The following DISP1 variants were observed in gnomAD, a reference collection of about 807,000 sequenced individuals.
DISP1 encodes dispatched RND transporter family member 1.
DISP1 carries 30 observed loss-of-function variants against 37.3 expected under a neutral mutation model. The ratio of observed to expected loss-of-function variants is 0.80; its 90% CI spans 0.60 to 1.09. DISP1 has a LOEUF of 1.09. Among genes scored for constraint, DISP1 ranks in the 50% least tolerant of loss-of-function variants. The probability of loss-of-function intolerance (pLI) is 0.00; values close to 1 mark genes in which losing one functional copy is unlikely to be tolerated. For missense variants in DISP1, 1,598 were observed against 1,879.5 expected, an observed-to-expected ratio of 0.85 and a Z score of 2.77; for synonymous variants, 634 against 690.2, an observed-to-expected ratio of 0.92 and a Z score of 1.28.
At chr1:222,862,852 AT>A (rs1489279759) in intron 1 of DISP1, among the ~76,000 whole-genome samples, 2 of 151,408 alleles carry the variant, frequency 1.3e-5, no homozygotes, top group Non-Finnish European at 2.9e-5. Flanking sequence ...TTTTGCAGCT[AT>A]TTTTTTTCTG....
chr1:222,870,179 C>A (rs1456364104), intron 1 of DISP1, among the ~76,000 whole-genome samples: 1 of 152,124 alleles, frequency 6.6e-6, no homozygotes, highest in Non-Finnish European at 1.5e-5. Flanking sequence ...TTTCTTAATC[C>A]AGTCTATCAT....
At chr1:222,837,034 C>T (rs1453867168) in intron 1 of DISP1, 1 of 398,364 alleles carries the variant, frequency 2.5e-6, no homozygotes. Context: ...TTAAGCTAGC[C>T]CATGACTACA....
chr1:222,995,881 C>CT (rs1376790336), intron 8 of DISP1, among the ~76,000 whole-genome samples: 1 of 152,158 alleles, frequency 6.6e-6, no homozygotes, highest in Non-Finnish European at 1.5e-5. Flanking sequence ...AGGGAAATTT[C>CT]TTAATGAAAT....
At chr1:222,817,554 A>G (rs1661555310) in intron 1 of DISP1, among the ~76,000 whole-genome samples, 1 of 152,218 alleles carries the variant, frequency 6.6e-6, no homozygotes, top group African/African-American at 2.4e-5. Context: ...ACAATGGGGA[A>G]GTACAGTTTT....
At chr1:222,978,342 A>G (rs535139521) in intron 3 of DISP1, among the ~76,000 whole-genome samples, 7,029 of 152,092 alleles carry the variant, frequency 0.046, 543 homozygotes, top group African/African-American at 0.16. Context: ...GTCTGTTCAT[A>G]TCCTTCGCCC....
intron 1 of DISP1, among the ~76,000 whole-genome samples, chr1:222,901,032 G>A (rs1017577057): frequency 3.9e-5 from 6 of 152,174 alleles, no homozygotes; most frequent in African/African-American, 1.4e-4. Flanking sequence ...AGAGGAAGTG[G>A]AATATAGTAC....
intron 1 of DISP1, among the ~76,000 whole-genome samples, chr1:222,863,292 G>A (rs1251849241): frequency 6.6e-6 from 1 of 152,096 alleles, no homozygotes; most frequent in Admixed American, 6.5e-5. Context: ...AGGCTGAGGT[G>A]GGCAGATTGC....
intron 1 of DISP1, among the ~76,000 whole-genome samples, chr1:222,843,756 T>G (rs1377707045): frequency 2.0e-5 from 3 of 151,630 alleles, no homozygotes; most frequent in Admixed American, 1.3e-4. Context: ...GAAAGAAAAA[T>G]GAAAACATGG....
chr1:222,845,879 A>C (rs34579774), intron 1 of DISP1, among the ~76,000 whole-genome samples: 4 of 152,192 alleles, frequency 2.6e-5, no homozygotes, highest in Non-Finnish European at 5.9e-5. Flanking sequence ...AAAATAATTC[A>C]CAGTGAATCT....
chr1:222,843,573 A>G (rs116573188), intron 1 of DISP1, among the ~76,000 whole-genome samples: 1,704 of 150,290 alleles, frequency 0.011, 31 homozygotes, highest in African/African-American at 0.039. Flanking sequence ...TGGGGGGGGG[A>G]AATTTCTTTT....
Position 223,005,882 on chromosome 1 carries a change from C to T in DISP1, c.4485C>T (p.Asp1495=), listed in dbSNP as rs1333049043. Residue 1495 remains aspartate (D), a synonymous_variant, in exon 9 of 9, where the codon GAC becomes GAT. Coordinates refer to ENST00000675850, the MANE Select transcript of DISP1 (RefSeq NM_001377229.1). The part of the protein sequence containing the change: ...RIVRVKCNSV[D]CQMPNMEANV... ...TGAGAGTGAAGTGCAATTCTGTGGA[C>T]TGTCAAATGCCAAACATGGAAGCCA... 6.2e-7 allele frequency: 1 copy of T among 1,614,072 alleles called. No individual in the cohort carries two copies. Among genetic ancestry groups the T allele is most frequent in the African/African-American group, 1.3e-5 (1 of 74,926 alleles).
At position 223,003,363 on chromosome 1, in the gene DISP1, G is replaced by T; in HGVS notation, c.1966G>T (p.Val656Phe). 1 of 1,614,160 alleles carries T rather than the reference G, an allele frequency of 6.2e-7. No individual in the cohort carries two copies. The highest frequency in any genetic ancestry group is 8.5e-7 in the Non-Finnish European group (1 of 1,180,044). Reference protein sequence around the residue: ...VLMVTWLPAVVVLHERYLLNI... With the variant: ...VLMVTWLPAVFVLHERYLLNI... ...GATGGTCACATGGCTTCCAGCAGTT[G>T]TTGTGCTGCATGAGCGGTATCTTCT... The change falls in exon 9 of 9, where the codon GTT becomes TTT. Residue 656 changes from valine (V) to phenylalanine (F), a missense_variant. By Grantham distance (50) the Val-to-Phe change is conservative (BLOSUM62 -1). Transcript: ENST00000675850. This position sits in a 1 kb window ranked among gnomAD's most constrained non-coding sequence, Gnocchi z 4.3.
chr1:222,961,391 C>T lies in DISP1; in HGVS notation c.509+18059C>T, dbSNP rs541936958. 2.6e-5 allele frequency among the ~76,000 whole-genome samples: 4 copies of T among 152,250 alleles called. No homozygotes were observed. In the South Asian group the frequency reaches 8.3e-4, roughly 32 times the overall value. ...AACCACATGATTATCTCAATAGATACAGAAAAGGCCTTTGATAAAATTCAA... is the reference window on the plus strand; with the variant it reads ...AACCACATGATTATCTCAATAGATATAGAAAAGGCCTTTGATAAAATTCAA... On this transcript the variant is annotated intron_variant, in intron 3 of 8. Coordinates refer to ENST00000675850, the MANE Select transcript of DISP1 (RefSeq NM_001377229.1).
chr1:222,951,408 A>T (rs1404937021), intron 3 of DISP1, among the ~76,000 whole-genome samples: 1 of 152,106 alleles, frequency 6.6e-6, no homozygotes, highest in Admixed American at 6.5e-5. Flanking sequence ...ATGTTATATT[A>T]AAAAGACAAG....
At chr1:222,880,413 C>T (rs913200213) in intron 1 of DISP1, among the ~76,000 whole-genome samples, 1 of 152,084 alleles carries the variant, frequency 6.6e-6, no homozygotes, top group Non-Finnish European at 1.5e-5. Flanking sequence ...TCAGAAAGTA[C>T]GTGAATGTTA....
intron 4 of DISP1, chr1:222,989,398 G>T (rs1678520973): frequency 2.0e-6 from 2 of 985,254 alleles, no homozygotes; most frequent in South Asian, 9.4e-5. Flanking sequence ...TTGAATTTTA[G>T]AAAACGTTCA....
At chr1:222,964,096 C>T (rs1271456157) in intron 3 of DISP1, among the ~76,000 whole-genome samples, 3 of 151,712 alleles carry the variant, frequency 2.0e-5, no homozygotes, top group Non-Finnish European at 4.4e-5. Context: ...GTCAGGAGTT[C>T]GAGACCATCC....
At chr1:222,816,801 A>G (rs1482648052) in intron 1 of DISP1, among the ~76,000 whole-genome samples, 2 of 152,360 alleles carry the variant, frequency 1.3e-5, no homozygotes, top group African/African-American at 2.4e-5. Flanking sequence ...AAATGAAGAG[A>G]TAACACTGAT....
intron 1 of DISP1, among the ~76,000 whole-genome samples, chr1:222,916,417 C>T (rs553466991): frequency 6.6e-6 from 1 of 152,284 alleles, no homozygotes; most frequent in African/African-American, 2.4e-5. Flanking sequence ...TAGGACTTGC[C>T]TAGGCTTTCA....
Sources: gnomAD v4.1 joint callset for allele counts (sites outside exome capture counted in the v4.1 genomes callset) on GRCh38, gnomAD v4.1.1 for gene constraint, Gnocchi (gnomAD v3.1) non-coding constraint, MANE v1.5 for transcripts, NCBI Gene and HGNC (gene_info 2026-07-23, HGNC 2026-07-21) for gene names.